ODAD3: variants seen among roughly 807,000 people sequenced by gnomAD.
ODAD3 encodes the protein outer dynein arm-docking complex subunit 3.
Under a neutral mutation model 70.9 loss-of-function variants are expected in ODAD3, and 57 were observed. The ratio of observed to expected loss-of-function variants is 0.80; its 90% CI spans 0.65 to 1.00. The LOEUF (loss-of-function observed/expected upper bound fraction) is 1.00. Ranked by LOEUF, ODAD3 falls within the 50% of genes least tolerant of loss-of-function variation. The probability of loss-of-function intolerance (pLI) is 0.00; values close to 1 mark genes in which losing one functional copy is unlikely to be tolerated. For synonymous variants in ODAD3, 327 were observed against 315.9 expected (o/e 1.04, Z -0.37); for missense variants, 797 against 763.9 (o/e 1.04, Z -0.51).
intron 3 of ODAD3, among the ~76,000 whole-genome samples, chr19:11,428,736 G>A (rs1969438662): frequency 1.3e-5 from 2 of 151,606 alleles, no homozygotes; most frequent in Admixed American, 6.6e-5. Context: ...TTGTTGTAGA[G>A]TCAAAGTTTC....
chr19:11,435,091 C>T lies in ODAD3; in HGVS notation c.-75G>A, dbSNP rs1969639570. The T allele has an allele frequency of 1.3e-6, 2 of 1,519,940 alleles. No individual in the cohort carries two copies. The highest frequency in any genetic ancestry group is 1.8e-6 in the Non-Finnish European group (2 of 1,139,694). The allele number at this position is 1,519,940 out of a possible 1,614,324, so 94.2% of individuals were successfully genotyped here. A position where few individuals can be genotyped will look rare whatever the true frequency, so the allele number is the denominator to read the frequency against. On this transcript the variant is annotated 5_prime_UTR_variant, in exon 1 of 13. Coordinates refer to ENST00000356392, the MANE Select transcript of ODAD3 (RefSeq NM_145045.5). The stretch of plus-strand genomic sequence containing the variant: ...TCAGTCGCCCCTGTCAGGGATCCGT[C>T]AGCTCGGATTCCTAGGGCTCTGAAA...
At chr19:11,435,642 C>A (rs1353586737), upstream of ODAD3, 1 of 1,263,520 alleles carries the variant, frequency 7.9e-7, no homozygotes, top group African/African-American at 1.5e-5. Flanking sequence ...TTTCTTTCTG[C>A]AGCAGGAACC....
At chr19:11,432,876 C>A (rs564275024) in intron 1 of ODAD3, among the ~76,000 whole-genome samples, 1 of 152,202 alleles carries the variant, frequency 6.6e-6, no homozygotes, top group Non-Finnish European at 1.5e-5. Flanking sequence ...TCACCGCAAC[C>A]TCCACCTCCT....
In ODAD3 at chr19:11,427,338, A is replaced by G. The variant is rs184126490; in HGVS notation, c.445-298T>C. Reference sequence around the variant, plus strand: ...TAGACGGAGTCTTGCTCTGACACCCAGGCTGGAGTGCTGTGGTGCAATCTC... The same window carrying G: ...TAGACGGAGTCTTGCTCTGACACCCGGGCTGGAGTGCTGTGGTGCAATCTC... On this transcript the variant is annotated intron_variant, in intron 3 of 12. Transcript: ENST00000356392. 2.0e-3 allele frequency among the ~76,000 whole-genome samples: 298 copies of G among 150,280 alleles called. 2 individuals are homozygous for G. The highest frequency in any genetic ancestry group is 6.5e-3 in the African/African-American group (267 of 40,900).
intron 1 of ODAD3, among the ~76,000 whole-genome samples, chr19:11,432,968 A>G (rs950263026): frequency 6.7e-5 from 10 of 148,808 alleles, no homozygotes; most frequent in African/African-American, 2.0e-4. Context: ...TAATTTTTGT[A>G]CTTTTAGTAG....
In ODAD3 at chr19:11,422,730, G is replaced by A. The variant is rs1969169312; in HGVS notation, c.1248C>T (p.Leu416=). The A allele has an allele frequency of 6.2e-7, 1 of 1,612,724 alleles. No homozygotes were observed. Among genetic ancestry groups the A allele is most frequent in the Non-Finnish European group, 8.5e-7 (1 of 1,179,910 alleles). Residue 416 remains leucine (L), a synonymous_variant, in exon 9 of 13, where the codon CTC becomes CTT. Coordinates refer to ENST00000356392, the MANE Select transcript of ODAD3 (RefSeq NM_145045.5). The surrounding 1 kb of genome is among the most constrained non-coding windows in gnomAD (Gnocchi z 4.6). ...CCAGCGTGGCCTCCCCCGAGTACTT[G>A]AGGTCTTCCAGCTCCCGCTGCAGTT... ...KQQLQRELED[L]KYSGEATLVS... is the part of the protein sequence containing the mutation.
rs757227442 is a variant in ODAD3 at position 11,425,157 on chromosome 19, A to ATG, written c.963+986_963+987insCA. On this transcript the variant is annotated intron_variant, in intron 7 of 12. Coordinates refer to ENST00000356392, the MANE Select transcript of ODAD3 (RefSeq NM_145045.5). ...TATGTGTATATGTACATATGTATAT[A>ATG]TACATATGTGTATATGTACATATGT... Among the ~76,000 whole-genome samples, 5 of 122,294 alleles carry ATG rather than the reference A, an allele frequency of 4.1e-5. No homozygotes were observed. The South Asian group carries it at 1.2e-3, about 30-fold the overall frequency. 80.2% of individuals were successfully genotyped at this position (122,294 alleles called of 152,430 possible).
rs368799920 is a variant in ODAD3 at position 11,435,078 on chromosome 19, G to A, written c.-62C>T. On this transcript the variant is annotated 5_prime_UTR_variant, in exon 1 of 13. Coordinates refer to ENST00000356392, the MANE Select transcript of ODAD3 (RefSeq NM_145045.5). Reference sequence around the variant, plus strand: ...GGATAACTAGGAGTCAGTCGCCCCTGTCAGGGATCCGTCAGCTCGGATTCC... The same window carrying A: ...GGATAACTAGGAGTCAGTCGCCCCTATCAGGGATCCGTCAGCTCGGATTCC... The A allele has an allele frequency of 2.9e-5, 44 of 1,533,616 alleles. No individual in the cohort carries two copies. The East Asian group carries it at 4.1e-4, about 14-fold the overall frequency.
Position 11,422,829 on chromosome 19 carries a change from G to GT in ODAD3, c.1148dup (p.Asp383GlufsTer112), listed in dbSNP as rs1371612566. Reference sequence around the variant, plus strand: ...TGAGCGTCTCCAACTGCGCGAAGGTGTCGCCCTGGGCCAGGAACCGCCGCA... The same window carrying GT: ...TGAGCGTCTCCAACTGCGCGAAGGTGTTCGCCCTGGGCCAGGAACCGCCGCA... On this transcript the variant is annotated frameshift_variant, in exon 9 of 13. Coordinates refer to ENST00000356392, the MANE Select transcript of ODAD3 (RefSeq NM_145045.5). LOFTEE classifies it high-confidence loss of function. This position sits in a 1 kb window ranked among gnomAD's most constrained non-coding sequence, Gnocchi z 4.6. The GT allele has an allele frequency of 3.1e-6, 5 of 1,606,104 alleles. No homozygotes were observed. Among genetic ancestry groups the GT allele is most frequent in the Non-Finnish European group, 4.2e-6 (5 of 1,179,770 alleles).
chr19:11,424,990 CATATGTGTATATGTATATATGTGT>C (rs1173756134), intron 7 of ODAD3, among the ~76,000 whole-genome samples: 1 of 98,080 alleles, frequency 1.0e-5, no homozygotes, highest in Non-Finnish European at 2.0e-5. Flanking sequence ...TGTATATGTA[CATATGTGTATATGTATATATGTGT>C]ATATATACAT....
chr19:11,423,935 T>G lies in ODAD3; in HGVS notation c.1058A>C (p.Tyr353Ser). The G allele has an allele frequency of 6.2e-7, 1 of 1,613,272 alleles. No individual in the cohort carries two copies. The highest frequency in any genetic ancestry group is 1.1e-5 in the South Asian group (1 of 91,058). ...EEELRQRWSMYQMEVIFGKVK... is the reference protein window; with the variant it reads ...EEELRQRWSMSQMEVIFGKVK... ...CTTGCCAAAGATCACCTCCATCTGG[T>G]ACATGCTCCAGCGCTGCCGCAGCTC... Residue 353 changes from tyrosine (Y) to serine (S), a missense_variant, in exon 8 of 13, where the codon TAC becomes TCC. By Grantham distance (144) the Tyr-to-Ser change is moderately radical. Coordinates refer to ENST00000356392, the MANE Select transcript of ODAD3 (RefSeq NM_145045.5).
chr19:11,425,372 T>TATGTATATATAC (rs1311029892), intron 7 of ODAD3, among the ~76,000 whole-genome samples: 6 of 131,512 alleles, frequency 4.6e-5, no homozygotes, highest in Admixed American at 2.9e-4. Flanking sequence ...CATATGTGTA[T>TATGTATATATAC]ATATGTGTGT....
chr19:11,424,974 T>C lies in ODAD3; in HGVS notation c.964-945A>G, dbSNP rs962422206. Among the ~76,000 whole-genome samples, 58 of 120,588 alleles carry C rather than the reference T, an allele frequency of 4.8e-4. 5 individuals are homozygous for C. Among genetic ancestry groups the C allele is most frequent in the East Asian group, 3.3e-3 (12 of 3,652 alleles). The allele number at this position is 120,588 out of a possible 152,430, so 79.1% of individuals were successfully genotyped here. ...ATATGTACATATGTGTATATATGTA[T>C]ATATGTGTATATGTACATATGTGTA... On this transcript the variant is annotated intron_variant, in intron 7 of 12. Coordinates refer to ENST00000356392, the MANE Select transcript of ODAD3 (RefSeq NM_145045.5).
At chr19:11,425,088 CAT>C (rs1389055760) in intron 7 of ODAD3, among the ~76,000 whole-genome samples, 15 of 121,818 alleles carry the variant, frequency 1.2e-4, no homozygotes, top group South Asian at 1.0e-3. Flanking sequence ...TGTATATGTA[CAT>C]ATGTGTATAT....
intron 7 of ODAD3, among the ~76,000 whole-genome samples, chr19:11,425,223 G>GTGTGTATATGTACATATGTGTATA (rs1393734741): frequency 8.7e-6 from 1 of 114,502 alleles, no homozygotes; most frequent in African/African-American, 5.1e-5. Flanking sequence ...GTGTATATAT[G>GTGTGTATATGTACATATGTGTATA]TGTGTATATG....
Position 11,427,012 on chromosome 19 carries a change from C to T in ODAD3, c.473G>A (p.Arg158Lys), listed in dbSNP as rs369769695. The T allele has an allele frequency of 9.4e-6, 15 of 1,599,240 alleles. 1 individual carries two copies. In the African/African-American group the frequency reaches 1.5e-4, roughly 16 times the overall value. ...QALEHLDHRL[R>K]EKVKQQNALR... The stretch of plus-strand genomic sequence containing the variant: ...GGCGTTCTGCTGCTTCACCTTCTCC[C>T]TCAGCCGGTGGTCTAGGTGCTCCAG... The change falls in exon 4 of 13, where the codon AGG becomes AAG. Residue 158 changes from arginine to lysine, a missense_variant. By Grantham distance (26) the Arg-to-Lys change is conservative. Coordinates refer to ENST00000356392, the MANE Select transcript of ODAD3 (RefSeq NM_145045.5).
chr19:11,422,605 C>A lies in ODAD3; in HGVS notation c.1300G>T (p.Ala434Ser). The A allele has an allele frequency of 6.3e-7, 1 of 1,597,768 alleles. No homozygotes were observed. The part of the protein sequence containing the change: ...LVSQQKLQAE[A>S]QERLKKEERR... ...TCCTCCTTCTTGAGACGCTCCTGCG[C>A]CTCGGCTTGCAGTTTCTGCTGGCTG... The change falls in exon 10 of 13, where the codon GCG becomes TCG. Residue 434 changes from alanine (A) to serine (S), a missense_variant. Ala to Ser is a moderately conservative substitution (Grantham distance 99). Transcript: ENST00000356392. The surrounding 1 kb of genome is among the most constrained non-coding windows in gnomAD (Gnocchi z 4.6).
chr19:11,428,327 C>T (rs907070864), intron 3 of ODAD3, among the ~76,000 whole-genome samples: 3 of 151,952 alleles, frequency 2.0e-5, no homozygotes, highest in African/African-American at 4.8e-5. Context: ...CTGCAACCTC[C>T]GCCCCTTGAG....
At position 11,434,871 on chromosome 19, in the gene ODAD3, G is replaced by T. The variant is rs1305189981; in HGVS notation, c.146C>A (p.Thr49Asn). The change falls in exon 1 of 13, where the codon ACC becomes AAC. Residue 49 changes from threonine (T) to asparagine (N), a missense_variant. By Grantham distance (65) the Thr-to-Asn change is moderately conservative. Coordinates refer to ENST00000356392, the MANE Select transcript of ODAD3 (RefSeq NM_145045.5). ...LRGKGTAQAW[T>N]PGRSKGGSFH... is the part of the protein sequence containing the mutation. ...GGATCCTCCCTTGGAACGGCCTGGG[G>T]TCCACGCCTGGGCTGTGCCCTTGCC... 3.1e-6 allele frequency: 5 copies of T among 1,614,212 alleles called. No individual in the cohort carries two copies. Among genetic ancestry groups the T allele is most frequent in the Non-Finnish European group, 4.2e-6 (5 of 1,180,046 alleles).
Sources: allele counts gnomAD v4.1 joint callset (sites outside exome capture counted in the v4.1 genomes callset), GRCh38; gene constraint gnomAD v4.1.1; non-coding constraint Gnocchi (gnomAD v3.1); transcripts MANE v1.5; gene names NCBI Gene and HGNC (gene_info 2026-07-23, HGNC 2026-07-21).